Variants in PSCA observed in about 807,000 individuals in gnomAD.
PSCA encodes prostate stem cell antigen.
PSCA carries 7 observed loss-of-function variants against 7.9 expected under a neutral mutation model. The ratio of observed to expected loss-of-function variants is 0.89; its 90% CI spans 0.51 to 1.67. The LOEUF is 1.67. PSCA is among the 40% of genes most tolerant of loss of function. The pLI, the probability that PSCA is intolerant of heterozygous loss-of-function variation, is 0.00. For synonymous variants in PSCA, 61 were observed against 68.3 expected, an observed-to-expected ratio of 0.89 and a Z score of 0.53; for missense variants, 151 against 147.9, an observed-to-expected ratio of 1.02 and a Z score of -0.11.
upstream of PSCA, among the ~76,000 whole-genome samples, chr8:142,678,293 G>C (rs1481257431): frequency 6.6e-6 from 1 of 152,220 alleles, no homozygotes; most frequent in African/African-American, 2.4e-5. Context: ...GAGAGCGTCA[G>C]GGGAGAAGGG....
chr8:142,670,817 T>G (rs9297976), intron 1 of PSCA, among the ~76,000 whole-genome samples: 5 of 152,128 alleles, frequency 3.3e-5, no homozygotes, highest in East Asian at 1.9e-4. Context: ...GAGATTCTTA[T>G]GTTTATCAGG....
At position 142,680,507 on chromosome 8, in the gene PSCA, T is replaced by A. The variant is rs1331940011; in HGVS notation, c.-32T>A. 15 of 1,552,576 alleles carry A rather than the reference T, an allele frequency of 9.7e-6. No homozygotes were observed. Among genetic ancestry groups the A allele is most frequent in the Non-Finnish European group, 8.7e-6 (10 of 1,147,556 alleles). On this transcript the variant is annotated 5_prime_UTR_variant, in exon 1 of 3. Transcript: ENST00000301258. ...GGCCCTCTCCACCACAGCCCACCAG[T>A]GACCACGAAGGCTGTGCTGCTTGCC...
intron 2 of PSCA, 38 bp downstream of exon 2, chr8:142,681,472 T>C: frequency 6.6e-7 from 1 of 1,515,884 alleles, no homozygotes; most frequent in Non-Finnish European, 9.0e-7. Flanking sequence ...CCTAGGTCTC[T>C]GCCACTGAAC....
In PSCA at chr8:142,673,134, TAGAAA is replaced by T. The variant is rs1182564778; in HGVS notation, n.261+2573_261+2577del. Among the ~76,000 whole-genome samples the T allele has an allele frequency of 6.6e-6, 1 of 152,236 alleles. No individual in the cohort carries two copies. The highest frequency in any genetic ancestry group is 1.5e-5 in the Non-Finnish European group (1 of 68,034). ...CTCGATTTTACAGGCTGCTCTTTGT[TAGAAA>T]AGAAAATGATTTGGAGCCTGCTTTT... On this transcript the variant is annotated intron_variant and non_coding_transcript_variant, in intron 1 of 1. Coordinates refer to the PSCA transcript ENST00000505305. This position sits in a 1 kb window ranked among gnomAD's most constrained non-coding sequence, Gnocchi z 4.6.
chr8:142,677,603 C>T (rs587740534), upstream of PSCA, among the ~76,000 whole-genome samples: 38 of 151,944 alleles, frequency 2.5e-4, no homozygotes, highest in African/African-American at 8.2e-4. Flanking sequence ...AGAGTCCGGG[C>T]GAGCTGGGGC....
chr8:142,682,474 A>T lies in PSCA; in HGVS notation c.*342A>T, dbSNP rs368560175. 2 of 579,238 alleles carry T rather than the reference A, an allele frequency of 3.5e-6. No homozygotes were observed. Among genetic ancestry groups the T allele is most frequent in the Non-Finnish European group, 6.5e-6 (2 of 305,628 alleles). The allele number at this position is 579,238 out of a possible 1,614,324, so 35.9% of individuals were successfully genotyped here. On this transcript the variant is annotated 3_prime_UTR_variant, in exon 3 of 3. Transcript: ENST00000301258. Reference sequence around the variant, plus strand: ...GCCTTCCCTGCCCACCCCATCTATGACTTGAGCCAGGTCTGGTCCGTGGTG... The same window carrying T: ...GCCTTCCCTGCCCACCCCATCTATGTCTTGAGCCAGGTCTGGTCCGTGGTG...
At position 142,673,066 on chromosome 8, in the gene PSCA, T is replaced by C. The variant is rs1238775842; in HGVS notation, n.261+2498T>C. Among the ~76,000 whole-genome samples the C allele has an allele frequency of 1.3e-5, 2 of 152,180 alleles. No homozygotes were observed. The highest frequency in any genetic ancestry group is 2.9e-5 in the Non-Finnish European group (2 of 68,030). ...TTTCCCATTGGCACAACTGCTGGCA[T>C]TCACGCGTGCAAGCTTCCAGCTTGC... is the stretch of plus-strand genomic sequence containing the variant. On this transcript the variant is annotated intron_variant and non_coding_transcript_variant, in intron 1 of 1. Transcript: ENST00000505305. This position sits in a 1 kb window ranked among gnomAD's most constrained non-coding sequence, Gnocchi z 4.6.
chr8:142,676,383 G>A (rs2129861718), upstream of PSCA: 1 of 152,484 alleles, frequency 6.6e-6, no homozygotes, highest in South Asian at 2.1e-4. Flanking sequence ...AGAACCCAGG[G>A]CCGCTGGATG....
In PSCA at chr8:142,682,028, G is replaced by A. The variant is rs1464418767; in HGVS notation, c.241G>A (p.Asp81Asn). The A allele has an allele frequency of 5.0e-6, 8 of 1,612,972 alleles. No individual in the cohort carries two copies. The highest frequency in any genetic ancestry group is 1.6e-4 in the Middle Eastern group (1 of 6,084). Residue 81 changes from aspartate (D) to asparagine (N), a missense_variant, in exon 3 of 3, where the codon GAC becomes AAC. Coordinates refer to ENST00000301258, the MANE Select transcript of PSCA (RefSeq NM_005672.5). ...GKKNITCCDT[D>N]LCNASGAHAL... is the part of the protein sequence containing the mutation. The stretch of plus-strand genomic sequence containing the variant: ...GAAGAACATCACGTGCTGTGACACC[G>A]ACTTGTGCAACGCCAGCGGGGCCCA...
intron 1 of PSCA, among the ~76,000 whole-genome samples, chr8:142,674,894 A>C (rs1396780632): frequency 6.6e-6 from 1 of 152,206 alleles, no homozygotes; most frequent in Non-Finnish European, 1.5e-5. Flanking sequence ...GTGCACTCTG[A>C]ATACAGCTCA....
In PSCA at chr8:142,682,070, G is replaced by A. The variant is rs1814656473; in HGVS notation, c.283G>A (p.Ala95Thr). ...CGGGGCCCATGCCCTGCAGCCGGCT[G>A]CTGCCATCCTTGCGCTGCTCCCTGC... ...ASGAHALQPA[A>T]AILALLPALG... Residue 95 changes from alanine to threonine, a missense_variant, in exon 3 of 3, where the codon GCT becomes ACT. Transcript: ENST00000301258. 1 of 1,610,154 alleles carries A rather than the reference G, an allele frequency of 6.2e-7. No individual in the cohort carries two copies. Among genetic ancestry groups the A allele is most frequent in the African/African-American group, 1.3e-5 (1 of 74,918 alleles).
intron 1 of PSCA, among the ~76,000 whole-genome samples, chr8:142,674,174 C>G (rs940547802): frequency 6.8e-6 from 1 of 147,074 alleles, no homozygotes; most frequent in Admixed American, 6.8e-5. Flanking sequence ...GGAATCGTTT[C>G]AGTCTAACCT....
chr8:142,680,872 T>C (rs1847454737), intron 1 of PSCA: 1 of 546,306 alleles, frequency 1.8e-6, no homozygotes, highest in Non-Finnish European at 3.3e-6. Context: ...TGGGCAGAGA[T>C]GCTGATGAGG....
chr8:142,674,095 G>A lies in PSCA; in HGVS notation n.261+3527G>A, dbSNP rs587757281. Among the ~76,000 whole-genome samples, 3 of 148,670 alleles carry A rather than the reference G, an allele frequency of 2.0e-5. No homozygotes were observed. The East Asian group carries it at 6.1e-4, about 30-fold the overall frequency. On this transcript the variant is annotated intron_variant and non_coding_transcript_variant, in intron 1 of 1. Coordinates refer to the PSCA transcript ENST00000505305. ...TCCCCTCATCTTCCTAATGAATAAC[G>A]GCTGGGAATCGTTTCAGTCTAACCT...
At chr8:142,680,631 T>C in intron 1 of PSCA, 68 bp downstream of exon 1, 1 of 1,527,076 alleles carries the variant, frequency 6.5e-7, no homozygotes, top group Non-Finnish European at 8.9e-7. Flanking sequence ...GAGGGATACC[T>C]GCAGGGCACA....
upstream of PSCA, among the ~76,000 whole-genome samples, chr8:142,678,376 C>T (rs1847422284): frequency 6.6e-6 from 1 of 152,224 alleles, no homozygotes; most frequent in African/African-American, 2.4e-5. Flanking sequence ...CAGCTTCCGG[C>T]AGGAACAACA....
rs1345462438 is a variant in PSCA at position 142,673,619 on chromosome 8, C to T, written n.261+3051C>T. 6.6e-5 allele frequency among the ~76,000 whole-genome samples: 10 copies of T among 152,122 alleles called. No individual in the cohort carries two copies. The highest frequency in any genetic ancestry group is 2.1e-4 in the South Asian group (1 of 4,830). The stretch of plus-strand genomic sequence containing the variant: ...ACTCAAATCAGCCTCTCAGAAAATT[C>T]GGACGCTAGGGTTTTTCAAGGAGAG... On this transcript the variant is annotated intron_variant and non_coding_transcript_variant, in intron 1 of 1. Transcript: ENST00000505305. The surrounding 1 kb of genome is among the most constrained non-coding windows in gnomAD (Gnocchi z 4.6).
chr8:142,677,614 G>C (rs185844442), upstream of PSCA, among the ~76,000 whole-genome samples: 908 of 152,250 alleles, frequency 6.0e-3, 3 homozygotes, highest in Admixed American at 0.011. Flanking sequence ...GAGCTGGGGC[G>C]GGGGGCGGAG....
At chr8:142,674,461 C>T (rs1554637660) in intron 1 of PSCA, among the ~76,000 whole-genome samples, 2 of 152,208 alleles carry the variant, frequency 1.3e-5, no homozygotes, top group African/African-American at 4.8e-5. Context: ...CGCAGATCCC[C>T]TCATCTTCCT....
Sources: allele counts gnomAD v4.1 joint callset (sites outside exome capture counted in the v4.1 genomes callset), GRCh38; gene constraint gnomAD v4.1.1; non-coding constraint Gnocchi (gnomAD v3.1); transcripts MANE v1.5; gene names NCBI Gene and HGNC (gene_info 2026-07-23, HGNC 2026-07-21).